SUPT3H: variants seen among roughly 807,000 people sequenced by gnomAD.
SUPT3H encodes SPT3 homolog, SAGA and STAGA complex component.
Under a neutral mutation model 44.3 loss-of-function variants are expected in SUPT3H, and 44 were observed. The observed-to-expected ratio is 0.99, with a 90% CI of 0.78 to 1.28. The LOEUF (loss-of-function observed/expected upper bound fraction) is 1.28. SUPT3H is among the 50% of genes most tolerant of loss of function. SUPT3H has a pLI of 0.00. For missense variants in SUPT3H, 380 were observed against 387.1 expected (o/e 0.98, Z 0.15); for synonymous variants, 124 against 125.6 (o/e 0.99, Z 0.09).
chr6:45,118,355 A>G (rs1200669153), intron 2 of SUPT3H, among the ~76,000 whole-genome samples: 1 of 152,138 alleles, frequency 6.6e-6, no homozygotes, highest in Non-Finnish European at 1.5e-5. Context: ...AAATAAAAAT[A>G]TTAATAGGCA....
rs186400175 is a variant in SUPT3H at position 45,209,958 on chromosome 6, C to A, written c.102-103952G>T. On this transcript the variant is annotated intron_variant, in intron 2 of 10. Coordinates refer to ENST00000371459, the MANE Select transcript of SUPT3H (RefSeq NM_003599.4). Reference sequence around the variant, plus strand: ...GACTATGACACATTGAAGGTTCAGACGATACCAGCAAAAAGACCATGACAC... The same window carrying A: ...GACTATGACACATTGAAGGTTCAGAAGATACCAGCAAAAAGACCATGACAC... 3.9e-5 allele frequency among the ~76,000 whole-genome samples: 6 copies of A among 152,142 alleles called. No individual in the cohort carries two copies. In the South Asian group the frequency reaches 1.2e-3, roughly 32 times the overall value.
At chr6:44,953,220 G>T in intron 9 of SUPT3H, 90 bp downstream of exon 9, 1 of 975,678 alleles carries the variant, frequency 1.0e-6, no homozygotes, top group Non-Finnish European at 1.6e-6. Flanking sequence ...ATACACTCCT[G>T]CATAATCTTT....
chr6:45,197,613 A>G (rs1188290074), intron 2 of SUPT3H: 5 of 339,034 alleles, frequency 1.5e-5, no homozygotes, highest in South Asian at 2.4e-5. Context: ...TATGAGAAAG[A>G]CAAAAGTTTT....
At chr6:44,812,043 C>T (rs1391638863) in intron 11 of SUPT3H, among the ~76,000 whole-genome samples, 1 of 151,956 alleles carries the variant, frequency 6.6e-6, no homozygotes, top group African/African-American at 2.4e-5. Context: ...AAACTGCAAA[C>T]AACTACAGAA....
intron 7 of SUPT3H, among the ~76,000 whole-genome samples, chr6:44,961,235 T>C (rs1315078197): frequency 1.3e-5 from 2 of 152,204 alleles, no homozygotes; most frequent in Non-Finnish European, 2.9e-5. Context: ...TACTAGAGCA[T>C]GTACTAATAA....
At chr6:44,965,118 A>T (rs751571613) in intron 6 of SUPT3H, among the ~76,000 whole-genome samples, 8 of 152,206 alleles carry the variant, frequency 5.3e-5, no homozygotes, top group Non-Finnish European at 8.8e-5. Context: ...ACTATTCTTA[A>T]GAAAAAGAAA....
intron 4 of SUPT3H, among the ~76,000 whole-genome samples, chr6:45,016,913 C>T (rs1279750976): frequency 6.6e-6 from 1 of 151,270 alleles, no homozygotes. Context: ...CCTGAGGAAT[C>T]GCCACACTGA....
At chr6:45,321,851 A>T in intron 2 of SUPT3H, 1 of 1,599,238 alleles carries the variant, frequency 6.3e-7, no homozygotes, top group Non-Finnish European at 8.5e-7. Context: ...GGAAAAACTG[A>T]TTTTCCAATT....
At chr6:44,942,576 G>A (rs192741123) in intron 9 of SUPT3H, among the ~76,000 whole-genome samples, 121 of 152,250 alleles carry the variant, frequency 7.9e-4, no homozygotes, top group Non-Finnish European at 8.1e-4. Flanking sequence ...CCCCAAATTC[G>A]GTGTACAAAT....
At chr6:45,040,756 T>TA (rs1486388865) in intron 3 of SUPT3H, among the ~76,000 whole-genome samples, 1 of 152,200 alleles carries the variant, frequency 6.6e-6, no homozygotes, top group Non-Finnish European at 1.5e-5. Flanking sequence ...TGTAATTAAT[T>TA]AAATATATTG....
chr6:44,865,290 G>C (rs911960142), intron 10 of SUPT3H, among the ~76,000 whole-genome samples: 3 of 152,106 alleles, frequency 2.0e-5, no homozygotes, highest in Non-Finnish European at 4.4e-5. Flanking sequence ...ACATTTTCCT[G>C]TCTTCTTCTG....
In SUPT3H at chr6:44,920,023, C is replaced by T. The variant is rs181910145; in HGVS notation, c.912+12630G>A. On this transcript the variant is annotated intron_variant, in intron 10 of 10. Coordinates refer to ENST00000371459, the MANE Select transcript of SUPT3H (RefSeq NM_003599.4). ...CCTCCCGAGTAGCTGGGATTACAGG[C>T]GCATGCCACCACACCCGGCTAATTT... 2.2e-3 allele frequency among the ~76,000 whole-genome samples: 328 copies of T among 152,096 alleles called. 1 individual carries two copies. Among genetic ancestry groups the T allele is most frequent in the African/African-American group, 7.5e-3 (313 of 41,514 alleles).
chr6:45,191,469 G>A (rs1018979319), intron 2 of SUPT3H, among the ~76,000 whole-genome samples: 1 of 152,100 alleles, frequency 6.6e-6, no homozygotes, highest in Non-Finnish European at 1.5e-5. Flanking sequence ...GAACTATTCT[G>A]TGTAGTAATA....
intron 2 of SUPT3H, among the ~76,000 whole-genome samples, chr6:45,295,965 T>G (rs1323371683): frequency 6.6e-6 from 1 of 152,038 alleles, no homozygotes; most frequent in African/African-American, 2.4e-5. Context: ...GATCCAGCAA[T>G]CCCAATCCTG....
intron 10 of SUPT3H, among the ~76,000 whole-genome samples, chr6:44,931,986 A>G (rs1770664231): frequency 1.3e-5 from 2 of 152,174 alleles, no homozygotes; most frequent in Non-Finnish European, 2.9e-5. Context: ...TTTCTGTTGA[A>G]CTACTTCCTT....
intron 2 of SUPT3H, among the ~76,000 whole-genome samples, chr6:45,319,360 T>C (rs1785142578): frequency 6.6e-6 from 1 of 152,106 alleles, no homozygotes; most frequent in Non-Finnish European, 1.5e-5. Flanking sequence ...GCAGAAAGAT[T>C]CCTCCTCCAT....
At position 45,286,581 on chromosome 6, in the gene SUPT3H, C is replaced by G. The variant is rs192976896; in HGVS notation, c.101+78620G>C. Among the ~76,000 whole-genome samples the G allele has an allele frequency of 4.0e-4, 61 of 152,138 alleles. 2 individuals are homozygous for G. In the East Asian group the frequency reaches 8.3e-3, roughly 21 times the overall value. Reference sequence around the variant, plus strand: ...CAGTTAGAATGGCGATCATTAAAAACTGAGGAAACAACAGGTGCTGGAGAG... The same window carrying G: ...CAGTTAGAATGGCGATCATTAAAAAGTGAGGAAACAACAGGTGCTGGAGAG... On this transcript the variant is annotated intron_variant, in intron 2 of 10. Coordinates refer to ENST00000371459, the MANE Select transcript of SUPT3H (RefSeq NM_003599.4).
chr6:44,885,972 C>T (rs964114113), intron 10 of SUPT3H, among the ~76,000 whole-genome samples: 4 of 151,884 alleles, frequency 2.6e-5, no homozygotes, highest in African/African-American at 4.8e-5. Context: ...GAAAAATGCA[C>T]AAGCCTCAGG....
intron 3 of SUPT3H, among the ~76,000 whole-genome samples, chr6:45,052,654 C>CA (rs1390295685): frequency 1.3e-5 from 2 of 152,086 alleles, no homozygotes. Context: ...GAAAATGCCC[C>CA]ATTATTACCA....
Sources: allele counts gnomAD v4.1 joint callset (sites outside exome capture counted in the v4.1 genomes callset), GRCh38; gene constraint gnomAD v4.1.1; transcripts MANE v1.5; gene names NCBI Gene and HGNC (gene_info 2026-07-23, HGNC 2026-07-21).